The following GATAD2A variants were observed in gnomAD, a reference collection of about 807,000 sequenced individuals.
GATAD2A encodes transcriptional repressor p66-alpha.
GATAD2A carries 12 observed loss-of-function variants against 68.5 expected under a neutral mutation model. The observed-to-expected ratio is 0.18, with a 90% CI of 0.11 to 0.28. GATAD2A has a LOEUF of 0.28. GATAD2A is among the 10% of genes least tolerant of loss of function. GATAD2A has a pLI of 1.00. For synonymous variants in GATAD2A, 410 were observed against 375.3 expected (o/e 1.09, Z -1.07); for missense variants, 755 against 868.5 (o/e 0.87, Z 1.64).
intron 1 of GATAD2A, among the ~76,000 whole-genome samples, chr19:19,408,348 G>A (rs908494721): frequency 6.6e-6 from 1 of 152,092 alleles, no homozygotes; most frequent in Non-Finnish European, 1.5e-5. Flanking sequence ...CTCTATTAAT[G>A]CAGTATCATT....
At chr19:19,488,715 C>T (rs1433512848) in intron 2 of GATAD2A, among the ~76,000 whole-genome samples, 1 of 152,178 alleles carries the variant, frequency 6.6e-6, no homozygotes, top group African/African-American at 2.4e-5. Flanking sequence ...TGGTGCGTGT[C>T]AGCGAGCGGG....
intron 2 of GATAD2A, among the ~76,000 whole-genome samples, chr19:19,486,634 C>T (rs552251740): frequency 8.5e-5 from 13 of 152,302 alleles, no homozygotes; most frequent in Admixed American, 2.6e-4. Context: ...CGCAGGCTGT[C>T]GGGGCAAACC....
rs919521059 is a variant in GATAD2A, at chr19:19,438,693, T to C, written c.-6-26647T>C. ...AGACCCAGCCATAGCATTCAGGCAG[T>C]CAGTTTGGGAGTTCAGAAGGGAATT... On this transcript the variant is annotated intron_variant, in intron 1 of 11. Coordinates refer to ENST00000683918, the MANE Select transcript of GATAD2A (RefSeq NM_001384528.1). 4.6e-5 allele frequency among the ~76,000 whole-genome samples: 7 copies of C among 152,264 alleles called. No homozygotes were observed. The East Asian group carries it at 1.2e-3, about 25-fold the overall frequency.
At chr19:19,414,836 C>CTT (rs1568713171) in intron 1 of GATAD2A, among the ~76,000 whole-genome samples, 1,546 of 127,084 alleles carry the variant, frequency 0.012, 81 homozygotes, top group African/African-American at 0.054. Flanking sequence ...CACCCTGCCC[C>CTT]CTTTTTTTTT....
chr19:19,438,547 A>C (rs2054626642), intron 1 of GATAD2A, among the ~76,000 whole-genome samples: 1 of 152,198 alleles, frequency 6.6e-6, no homozygotes, highest in Admixed American at 6.5e-5. Context: ...CAGGCTGGGT[A>C]CCCACCCCTC....
At chr19:19,439,091 C>T (rs766192557) in intron 1 of GATAD2A, among the ~76,000 whole-genome samples, 10 of 152,172 alleles carry the variant, frequency 6.6e-5, no homozygotes, top group Non-Finnish European at 1.3e-4. Flanking sequence ...GGAGCAGGGC[C>T]GGAGGAGGGC....
intron 1 of GATAD2A, among the ~76,000 whole-genome samples, chr19:19,443,462 G>A (rs1220533744): frequency 5.3e-5 from 8 of 152,200 alleles, no homozygotes; most frequent in African/African-American, 1.9e-4. Context: ...CAACAAAGAC[G>A]GAAGATTGTG....
chr19:19,495,984 T>G, intron 6 of GATAD2A, 68 bp from the exon 7 acceptor site: 1 of 1,584,564 alleles, frequency 6.3e-7, no homozygotes. Flanking sequence ...AGGTGCCCTG[T>G]GCCTTCCGGT....
intron 11 of GATAD2A, 43 bp from the exon 12 acceptor site, chr19:19,505,301 C>G (rs199499332): frequency 8.7e-4 from 1,396 of 1,605,492 alleles, no homozygotes; most frequent in Non-Finnish European, 1.1e-3. Context: ...CAGGAGCCCT[C>G]CTGACGAGGG....
At chr19:19,427,344 C>T (rs942207165) in intron 1 of GATAD2A, among the ~76,000 whole-genome samples, 1 of 151,286 alleles carries the variant, frequency 6.6e-6, no homozygotes, top group African/African-American at 2.4e-5. Flanking sequence ...ATATTCTATA[C>T]CTTTATGACA....
intron 1 of GATAD2A, among the ~76,000 whole-genome samples, chr19:19,460,059 G>A (rs1246018721): frequency 6.6e-6 from 1 of 152,202 alleles, no homozygotes; most frequent in Admixed American, 6.5e-5. Context: ...AAAGAAGTAT[G>A]CTTGTCAGGC....
At chr19:19,417,962 G>C (rs999598525) in intron 1 of GATAD2A, among the ~76,000 whole-genome samples, 11 of 152,164 alleles carry the variant, frequency 7.2e-5, no homozygotes, top group Non-Finnish European at 1.5e-4. Context: ...TTAGAGCCTC[G>C]TGGGGGAAAC....
intron 2 of GATAD2A, among the ~76,000 whole-genome samples, chr19:19,485,528 C>T (rs772551009): frequency 6.6e-5 from 10 of 152,166 alleles, no homozygotes; most frequent in African/African-American, 1.2e-4. Flanking sequence ...GGCCTCTGAT[C>T]CCGTGGTGGT....
intron 1 of GATAD2A, chr19:19,464,961 C>T (rs1701841826): frequency 6.7e-6 from 2 of 299,652 alleles, no homozygotes; most frequent in South Asian, 7.3e-5. Context: ...CTGAAAATCC[C>T]AAAGGCAGGT....
chr19:19,468,721 A>T (rs866209152), intron 2 of GATAD2A, among the ~76,000 whole-genome samples: 67 of 152,234 alleles, frequency 4.4e-4, no homozygotes, highest in African/African-American at 1.5e-3. Flanking sequence ...ACAGTCCTTC[A>T]AAAATGAAAG....
chr19:19,481,240 G>A (rs1356292587), intron 2 of GATAD2A, among the ~76,000 whole-genome samples: 1 of 152,112 alleles, frequency 6.6e-6, no homozygotes, highest in Admixed American at 6.5e-5. Flanking sequence ...AGGCCCTCAG[G>A]AGCCTGGATT....
chr19:19,439,740 G>T (rs184684304), intron 1 of GATAD2A, among the ~76,000 whole-genome samples: 1 of 152,010 alleles, frequency 6.6e-6, no homozygotes, highest in African/African-American at 2.4e-5. Flanking sequence ...ACAGTTACCC[G>T]GGGAGGCTGA....
chr19:19,489,178 C>A (rs1014828071), intron 2 of GATAD2A, among the ~76,000 whole-genome samples: 1 of 152,202 alleles, frequency 6.6e-6, no homozygotes, highest in Admixed American at 6.5e-5. Flanking sequence ...AGTGACCCTG[C>A]TGTGTGCGGT....
chr19:19,460,400 C>T (rs1024872583), intron 1 of GATAD2A, among the ~76,000 whole-genome samples: 9 of 152,186 alleles, frequency 5.9e-5, no homozygotes, highest in African/African-American at 2.2e-4. Flanking sequence ...GAGTGTTGGG[C>T]GCAGCTCACA....
Sources: allele counts gnomAD v4.1 joint callset (sites outside exome capture counted in the v4.1 genomes callset), GRCh38; gene constraint gnomAD v4.1.1; transcripts MANE v1.5; gene names NCBI Gene and HGNC (gene_info 2026-07-23, HGNC 2026-07-21).